Variants in GRIN2B observed in about 807,000 individuals in gnomAD.
The protein encoded by GRIN2B is glutamate ionotropic receptor NMDA type subunit 2B.
GRIN2B carries 5 observed loss-of-function variants against 114.5 expected under a neutral mutation model. The ratio of observed to expected loss-of-function variants is 0.04; its 90% confidence interval spans 0.02 to 0.09. The LOEUF (loss-of-function observed/expected upper bound fraction) is 0.09, where lower values mean the gene tolerates loss of function less well. Ranked by LOEUF, GRIN2B falls within the 10% of genes least tolerant of loss-of-function variation. The pLI is 1.00. For synonymous variants in GRIN2B, 787 were observed against 745.1 expected (o/e 1.06, Z -0.92); for missense variants, 1,108 against 1,943.5 (o/e 0.57, Z 8.08).
rs982919849 is a variant in GRIN2B at position 13,981,359 on chromosome 12, G to A, written c.-465C>T. On this transcript the variant is annotated 5_prime_UTR_variant, in exon 1 of 14. Transcript: ENST00000609686. Reference sequence around the variant, plus strand: ...TTACGTACCGGCTCCGAGCGCCTCCGCGGTTGCAGTCTGCGGAGAGGGGTG... The same window carrying A: ...TTACGTACCGGCTCCGAGCGCCTCCACGGTTGCAGTCTGCGGAGAGGGGTG... The A allele has an allele frequency of 6.6e-6, 1 of 152,172 alleles. No individual in the cohort carries two copies. Among genetic ancestry groups the A allele is most frequent in the African/African-American group, 2.4e-5 (1 of 41,406 alleles). 9.4% of individuals were successfully genotyped at this position (152,172 alleles called of 1,614,324 possible). A position where few individuals can be genotyped will look rare whatever the true frequency, so the allele number is the denominator to read the frequency against.
At chr12:13,819,369 G>A (rs534333579) in intron 3 of GRIN2B, among the ~76,000 whole-genome samples, 1 of 152,144 alleles carries the variant, frequency 6.6e-6, no homozygotes, top group South Asian at 2.1e-4. Context: ...CTAAAACAGG[G>A]ACAATACCAC....
chr12:13,940,875 C>T lies in GRIN2B; in HGVS notation c.-19+39053G>A, dbSNP rs117187593. 2.8e-4 allele frequency among the ~76,000 whole-genome samples: 42 copies of T among 152,266 alleles called. 1 individual carries two copies. The East Asian group carries it at 5.4e-3, about 20-fold the overall frequency. On this transcript the variant is annotated intron_variant, in intron 2 of 13. Coordinates refer to ENST00000609686, the MANE Select transcript of GRIN2B (RefSeq NM_000834.5). Reference sequence around the variant, plus strand: ...GACATATACCCCACAATCACCCATGCTCTCCACACACCTTCCAACATGATG... The same window carrying T: ...GACATATACCCCACAATCACCCATGTTCTCCACACACCTTCCAACATGATG...
chr12:13,873,695 G>A (rs1399397725), intron 2 of GRIN2B, among the ~76,000 whole-genome samples: 4 of 152,166 alleles, frequency 2.6e-5, no homozygotes, highest in Admixed American at 2.6e-4. Flanking sequence ...CTGTGCCCCT[G>A]TGAAACCAGT....
chr12:13,962,466 C>T (rs1246142459), intron 2 of GRIN2B, among the ~76,000 whole-genome samples: 1 of 152,224 alleles, frequency 6.6e-6, no homozygotes, highest in Non-Finnish European at 1.5e-5. Context: ...CCTGAATTGC[C>T]TATGCTACAA....
intron 2 of GRIN2B, among the ~76,000 whole-genome samples, chr12:13,914,783 T>C (rs7970422): frequency 0.012 from 1,878 of 152,298 alleles, 46 homozygotes; most frequent in African/African-American, 0.042. Flanking sequence ...ATGGATGGAA[T>C]TGGAGATCAC....
intron 2 of GRIN2B, among the ~76,000 whole-genome samples, chr12:13,911,773 T>C (rs1460148620): frequency 1.3e-5 from 2 of 152,236 alleles, no homozygotes; most frequent in South Asian, 2.1e-4. Flanking sequence ...CGCAGACACA[T>C]AGGGGAAGGT....
intron 2 of GRIN2B, among the ~76,000 whole-genome samples, chr12:13,892,019 T>G (rs1866270563): frequency 6.6e-6 from 1 of 152,194 alleles, no homozygotes; most frequent in South Asian, 2.1e-4. Flanking sequence ...GGCACCATGC[T>G]CCATCACTCA....
chr12:13,802,466 T>A (rs1381968257), intron 3 of GRIN2B, among the ~76,000 whole-genome samples: 1 of 152,116 alleles, frequency 6.6e-6, no homozygotes, highest in Non-Finnish European at 1.5e-5. Context: ...GTTCTGAAAA[T>A]TTATGCTGAA....
At chr12:13,726,343 T>C (rs1243708289) in intron 4 of GRIN2B, among the ~76,000 whole-genome samples, 1 of 151,846 alleles carries the variant, frequency 6.6e-6, no homozygotes, top group East Asian at 1.9e-4. Flanking sequence ...GAGACCAGCC[T>C]GGCCAACATG....
intron 10 of GRIN2B, among the ~76,000 whole-genome samples, chr12:13,583,776 A>G (rs1430212050): frequency 6.6e-6 from 1 of 152,126 alleles, no homozygotes; most frequent in African/African-American, 2.4e-5. Flanking sequence ...GGACGTGAGC[A>G]TGGCATCTGC....
At chr12:13,637,931 C>T (rs1434063639) in intron 5 of GRIN2B, among the ~76,000 whole-genome samples, 1 of 152,092 alleles carries the variant, frequency 6.6e-6, no homozygotes. Flanking sequence ...GAGTCTAGGC[C>T]AAAATGCTGT....
chr12:13,743,895 G>A (rs1863327608), intron 4 of GRIN2B, among the ~76,000 whole-genome samples: 1 of 152,084 alleles, frequency 6.6e-6, no homozygotes, highest in Admixed American at 6.5e-5. Context: ...CCTCCATCTG[G>A]ACCCCATCTA....
At chr12:13,879,742 A>T (rs1866043220) in intron 2 of GRIN2B, among the ~76,000 whole-genome samples, 1 of 152,240 alleles carries the variant, frequency 6.6e-6, no homozygotes, top group Non-Finnish European at 1.5e-5. Flanking sequence ...CGGTACAGTC[A>T]GTGCCTCCTT....
At chr12:13,929,576 C>A (rs749602159) in intron 2 of GRIN2B, among the ~76,000 whole-genome samples, 17 of 152,198 alleles carry the variant, frequency 1.1e-4, no homozygotes. Context: ...GCTGTTACTA[C>A]GCTAGGCCTG....
chr12:13,593,526 AC>A (rs1949035410), intron 10 of GRIN2B, among the ~76,000 whole-genome samples: 1 of 152,184 alleles, frequency 6.6e-6, no homozygotes, highest in South Asian at 2.1e-4. Flanking sequence ...CCTTCCTTAC[AC>A]CTTATATAAA....
intron 3 of GRIN2B, among the ~76,000 whole-genome samples, chr12:13,763,880 G>T (rs1159819783): frequency 1.3e-5 from 2 of 152,138 alleles, no homozygotes; most frequent in Admixed American, 6.5e-5. Context: ...ACTGAAAATT[G>T]CTCTCCTTTT....
intron 4 of GRIN2B, among the ~76,000 whole-genome samples, chr12:13,694,656 C>CACATATATAT (rs1555122534): frequency 0.011 from 779 of 71,308 alleles, 121 homozygotes; most frequent in Non-Finnish European, 0.013. Flanking sequence ...AAGAAAATGT[C>CACATATATAT]ATATATATAT....
intron 3 of GRIN2B, among the ~76,000 whole-genome samples, chr12:13,852,295 G>A (rs764156297): frequency 3.9e-5 from 6 of 152,162 alleles, no homozygotes; most frequent in Admixed American, 1.3e-4. Flanking sequence ...ATGATATTCA[G>A]CTGCAACTAG....
intron 5 of GRIN2B, among the ~76,000 whole-genome samples, chr12:13,643,617 C>A (rs1398564644): frequency 3.9e-5 from 6 of 152,138 alleles, no homozygotes; most frequent in Non-Finnish European, 8.8e-5. Context: ...TGAAAGATTT[C>A]TCTGTAGCAT....
Sources: gnomAD v4.1 joint callset for allele counts (sites outside exome capture counted in the v4.1 genomes callset) on GRCh38, gnomAD v4.1.1 for gene constraint, MANE v1.5 for transcripts, NCBI Gene and HGNC (gene_info 2026-07-23, HGNC 2026-07-21) for gene names.